The following LHFPL6 variants were observed in gnomAD, a reference collection of about 807,000 sequenced individuals.
The protein encoded by LHFPL6 is LHFPL tetraspan subfamily member 6 protein.
A neutral mutation model predicts 20.6 loss-of-function variants in LHFPL6; 9 were observed. The ratio of observed to expected loss-of-function variants is 0.44; its 90% CI spans 0.26 to 0.76. The LOEUF (loss-of-function observed/expected upper bound fraction) is 0.76. Ranked by LOEUF, LHFPL6 falls within the 30% of genes least tolerant of loss-of-function variation. The probability of loss-of-function intolerance (pLI) is 0.20; values close to 1 mark genes in which losing one functional copy is unlikely to be tolerated. For missense variants in LHFPL6, 218 were observed against 253.5 expected, an observed-to-expected ratio of 0.86 and a Z score of 0.95; for synonymous variants, 105 against 98.7, an observed-to-expected ratio of 1.06 and a Z score of -0.38.
intron 2 of LHFPL6, among the ~76,000 whole-genome samples, chr13:39,577,790 T>C (rs906745506): frequency 9.2e-5 from 14 of 151,926 alleles, no homozygotes; most frequent in Admixed American, 2.0e-4. Flanking sequence ...CATGCCACCA[T>C]ATCCAGCTAA....
At chr13:39,479,598 C>A (rs886565460) in intron 2 of LHFPL6, among the ~76,000 whole-genome samples, 3 of 152,044 alleles carry the variant, frequency 2.0e-5, no homozygotes, top group Non-Finnish European at 4.4e-5. Flanking sequence ...TTGATACTTA[C>A]CAGATTTTTC....
intron 3 of LHFPL6, among the ~76,000 whole-genome samples, chr13:39,363,467 C>G (rs1869931030): frequency 6.6e-6 from 1 of 152,090 alleles, no homozygotes; most frequent in Admixed American, 6.5e-5. Flanking sequence ...CAAAAGCAAC[C>G]ACGGTCACCA....
At chr13:39,581,206 G>A (rs1028399280) in intron 2 of LHFPL6, among the ~76,000 whole-genome samples, 1 of 152,116 alleles carries the variant, frequency 6.6e-6, no homozygotes, top group African/African-American at 2.4e-5. Context: ...CACCATCTTA[G>A]AATCCCATCA....
At chr13:39,356,080 C>A (rs945453230) in intron 3 of LHFPL6, among the ~76,000 whole-genome samples, 1 of 152,182 alleles carries the variant, frequency 6.6e-6, no homozygotes, top group African/African-American at 2.4e-5. Context: ...ACATTATTTT[C>A]ATCTGTGCAA....
At chr13:39,564,312 G>A (rs1254837669) in intron 2 of LHFPL6, among the ~76,000 whole-genome samples, 2 of 152,112 alleles carry the variant, frequency 1.3e-5, no homozygotes, top group African/African-American at 4.8e-5. Context: ...TAAATGAGAT[G>A]ACCTCTTTGG....
intron 2 of LHFPL6, among the ~76,000 whole-genome samples, chr13:39,562,353 T>C (rs1871509986): frequency 7.0e-6 from 1 of 143,468 alleles, no homozygotes; most frequent in African/African-American, 2.6e-5. Context: ...TATATATACA[T>C]ATATATACAT....
At chr13:39,362,414 C>A (rs1869897512) in intron 3 of LHFPL6, among the ~76,000 whole-genome samples, 1 of 152,228 alleles carries the variant, frequency 6.6e-6, no homozygotes, top group African/African-American at 2.4e-5. Context: ...ACCAATTAAA[C>A]CTTTTTTCTT....
chr13:39,599,907 A>C (rs1405176334), intron 2 of LHFPL6, among the ~76,000 whole-genome samples: 1 of 152,228 alleles, frequency 6.6e-6, no homozygotes, highest in East Asian at 1.9e-4. Flanking sequence ...AGTTCCAAAT[A>C]CATTGTATAA....
chr13:39,591,681 T>G (rs908823920), intron 2 of LHFPL6, among the ~76,000 whole-genome samples: 6 of 152,188 alleles, frequency 3.9e-5, no homozygotes, highest in Non-Finnish European at 7.4e-5. Context: ...GGGGAGTTTG[T>G]TCAAAGTGCT....
At chr13:39,387,414 GT>G (rs2138367400) in intron 2 of LHFPL6, among the ~76,000 whole-genome samples, 1 of 151,892 alleles carries the variant, frequency 6.6e-6, no homozygotes, top group South Asian at 2.1e-4. Context: ...GGGCATGGTG[GT>G]GCACACCTGT....
At chr13:39,493,252 TG>T (rs1868988758) in intron 2 of LHFPL6, among the ~76,000 whole-genome samples, 1 of 147,946 alleles carries the variant, frequency 6.8e-6, no homozygotes, top group African/African-American at 2.5e-5. Flanking sequence ...GCAGATCACC[TG>T]AAGTCAGGAG....
chr13:39,578,581 A>G (rs1872187946), intron 2 of LHFPL6, among the ~76,000 whole-genome samples: 1 of 152,228 alleles, frequency 6.6e-6, no homozygotes, highest in South Asian at 2.1e-4. Context: ...CACAGAGGAC[A>G]CGGGGCAAGC....
chr13:39,499,393 T>C (rs1869213412), intron 2 of LHFPL6, among the ~76,000 whole-genome samples: 1 of 152,234 alleles, frequency 6.6e-6, no homozygotes, highest in Admixed American at 6.5e-5. Context: ...GCAGCCTCCT[T>C]GCTGGTCTTC....
intron 2 of LHFPL6, among the ~76,000 whole-genome samples, chr13:39,495,862 A>G (rs1055863738): frequency 2.0e-4 from 30 of 150,474 alleles, no homozygotes; most frequent in Admixed American, 7.3e-4. Context: ...AGTGTTGTAG[A>G]AAGACTTCAG....
intron 2 of LHFPL6, among the ~76,000 whole-genome samples, chr13:39,431,666 A>T (rs1871806784): frequency 1.5e-5 from 2 of 136,342 alleles, no homozygotes; most frequent in African/African-American, 5.4e-5. Flanking sequence ...GTTGATGAGA[A>T]CTCCAAATTC....
chr13:39,428,721 T>C (rs535262075), intron 2 of LHFPL6, among the ~76,000 whole-genome samples: 4 of 152,186 alleles, frequency 2.6e-5, no homozygotes, highest in African/African-American at 7.2e-5. Flanking sequence ...GTGACATTTA[T>C]TTCCTTTACT....
rs1355900976 is a variant in LHFPL6 at position 39,384,105 on chromosome 13, C to A, written c.386-5579G>T. On this transcript the variant is annotated intron_variant, in intron 2 of 3. Transcript: ENST00000379589. Reference sequence around the variant, plus strand: ...TGGTCAAACTCTGACTGGTACATGCCCACTCACAAAAGGGCAGAAGAGCCA... The same window carrying A: ...TGGTCAAACTCTGACTGGTACATGCACACTCACAAAAGGGCAGAAGAGCCA... Among the ~76,000 whole-genome samples the A allele has an allele frequency of 3.3e-5, 5 of 152,138 alleles. No individual in the cohort carries two copies. The South Asian group carries it at 6.2e-4, about 19-fold the overall frequency.
At chr13:39,379,317 T>C (rs1286386260) in intron 2 of LHFPL6, among the ~76,000 whole-genome samples, 2 of 152,206 alleles carry the variant, frequency 1.3e-5, no homozygotes, top group African/African-American at 4.8e-5. Context: ...AAGCACTCAC[T>C]ATTTGAATTT....
At chr13:39,472,251 G>A (rs1317812667) in intron 2 of LHFPL6, among the ~76,000 whole-genome samples, 2 of 152,112 alleles carry the variant, frequency 1.3e-5, no homozygotes, top group Admixed American at 6.5e-5. Flanking sequence ...ACACTAACAA[G>A]TAAAAATCAC....
Sources: gnomAD v4.1 joint callset for allele counts (sites outside exome capture counted in the v4.1 genomes callset) on GRCh38, gnomAD v4.1.1 for gene constraint, MANE v1.5 for transcripts, NCBI Gene and HGNC (gene_info 2026-07-23, HGNC 2026-07-21) for gene names.